TRIM6: variants seen among roughly 807,000 people sequenced by gnomAD.
The protein encoded by TRIM6 is tripartite motif containing 6.
TRIM6 carries 43 observed loss-of-function variants against 51.2 expected under a neutral mutation model. That is an observed-to-expected ratio of 0.84 (90% CI 0.66 to 1.08). The LOEUF is 1.08. Among genes scored for constraint, TRIM6 ranks in the 50% least tolerant of loss-of-function variants. TRIM6 has a pLI of 0.00. For synonymous variants in TRIM6, 215 were observed against 232.4 expected (o/e 0.93, Z 0.68); for missense variants, 669 against 619.0 (o/e 1.08, Z -0.86).
At position 5,596,845 on chromosome 11, in the gene TRIM6, T is replaced by C; in HGVS notation, c.-53T>C. ...GTGCCTTGGATTGCTCTGAAGAGCT[T>C]TGACCACCTGATATTGCTTACATCT... On this transcript the variant is annotated 5_prime_UTR_variant, in exon 1 of 8. Coordinates refer to ENST00000380097, the MANE Select transcript of TRIM6 (RefSeq NM_001003818.3). 2 of 1,613,706 alleles carry C rather than the reference T, an allele frequency of 1.2e-6. No homozygotes were observed. The highest frequency in any genetic ancestry group is 1.7e-6 in the Non-Finnish European group (2 of 1,179,838).
At chr11:5,610,323 C>T (rs1464554794) in intron 6 of TRIM6, 78 bp downstream of exon 6, 111 of 1,599,908 alleles carry the variant, frequency 6.9e-5, no homozygotes, top group Non-Finnish European at 8.5e-5. Context: ...AGGCTATAGT[C>T]GGTATTTGAG....
chr11:5,604,665 G>A, intron 3 of TRIM6, 36 bp downstream of exon 3: 2 of 1,600,302 alleles, frequency 1.2e-6, no homozygotes, highest in Non-Finnish European at 1.7e-6. Context: ...TCCTGGGGCA[G>A]GAATCATGGC....
chr11:5,612,573 C>T lies in TRIM6; in HGVS notation c.*1231C>T, dbSNP rs930501449. The T allele has an allele frequency of 2.0e-5, 3 of 152,106 alleles. No individual in the cohort carries two copies. The highest frequency in any genetic ancestry group is 7.2e-5 in the African/African-American group (3 of 41,408). The allele number at this position is 152,106 out of a possible 1,614,324, so 9.4% of individuals were successfully genotyped here. A position where few individuals can be genotyped will look rare whatever the true frequency, so the allele number is the denominator to read the frequency against. ...CTTAAAGGAAGAGGATGATTTCTTC[C>T]AGCTTTTCCACACTCTCTTTATGCG... is the stretch of plus-strand genomic sequence containing the variant. On this transcript the variant is annotated 3_prime_UTR_variant, in exon 8 of 8. Coordinates refer to ENST00000380097, the MANE Select transcript of TRIM6 (RefSeq NM_001003818.3).
At chr11:5,600,300 G>A (rs1847758938) in intron 1 of TRIM6, among the ~76,000 whole-genome samples, 1 of 152,164 alleles carries the variant, frequency 6.6e-6, no homozygotes. Context: ...ATGTTGTTAT[G>A]TGGAATTATT....
rs527518342 is a variant in TRIM6 at position 5,611,916 on chromosome 11, C to G, written c.*574C>G. ...GTTTTTTTTGATTGATGCAGGGGAT[C>G]AAATTTAGGAAGTTCTGATCTGTTA... On this transcript the variant is annotated 3_prime_UTR_variant, in exon 8 of 8. Transcript: ENST00000380097. 1 of 152,174 alleles carries G rather than the reference C, an allele frequency of 6.6e-6. No individual in the cohort carries two copies. Among genetic ancestry groups the G allele is most frequent in the Non-Finnish European group, 1.5e-5 (1 of 68,036 alleles). The allele number at this position is 152,174 out of a possible 1,614,324, so 9.4% of individuals were successfully genotyped here.
intron 1 of TRIM6, among the ~76,000 whole-genome samples, chr11:5,598,082 G>A (rs1163564800): frequency 6.6e-6 from 1 of 152,158 alleles, no homozygotes; most frequent in Admixed American, 6.5e-5. Flanking sequence ...TCTTTCTTCT[G>A]CTAATTTGAT....
At chr11:5,609,073 T>A (rs1258642905) in intron 5 of TRIM6, among the ~76,000 whole-genome samples, 1 of 152,016 alleles carries the variant, frequency 6.6e-6, no homozygotes, top group Non-Finnish European at 1.5e-5. Flanking sequence ...TTGTCTCAAT[T>A]CCAGTAAAAA....
At chr11:5,610,424 T>G (rs1298429412) in intron 6 of TRIM6, 111 bp from the exon 7 acceptor site, 21 of 1,597,490 alleles carry the variant, frequency 1.3e-5, no homozygotes, top group Non-Finnish European at 1.7e-5. Context: ...AATGGCCAGG[T>G]GACATCCTCA....
intron 1 of TRIM6, among the ~76,000 whole-genome samples, chr11:5,599,259 C>T (rs1847670769): frequency 6.6e-6 from 1 of 152,018 alleles, no homozygotes; most frequent in Admixed American, 6.5e-5. Flanking sequence ...GGCAGTAGTT[C>T]TCCTTCAAGA....
chr11:5,597,386 T>C (rs1304328074), intron 1 of TRIM6, among the ~76,000 whole-genome samples: 1 of 152,232 alleles, frequency 6.6e-6, no homozygotes. Flanking sequence ...ATTTTTAAAT[T>C]ATAGGTTTCT....
intron 3 of TRIM6, 116 bp from the exon 4 acceptor site, chr11:5,605,220 CT>C: frequency 2.2e-6 from 3 of 1,372,832 alleles, no homozygotes; most frequent in Non-Finnish European, 3.1e-6. Context: ...TTTACCCTCC[CT>C]CTCCCTGGGA....
intron 5 of TRIM6, among the ~76,000 whole-genome samples, chr11:5,609,192 C>T (rs1848414461): frequency 6.6e-6 from 1 of 152,274 alleles, no homozygotes; most frequent in Middle Eastern, 3.4e-3. Context: ...GCTGCTTGCA[C>T]ACTTGGTTCC....
chr11:5,609,793 C>G (rs570504954), intron 5 of TRIM6, among the ~76,000 whole-genome samples: 24 of 152,174 alleles, frequency 1.6e-4, no homozygotes, highest in South Asian at 4.2e-4. Context: ...CGTGGTGGCA[C>G]GCGCCTGTAG....
At position 5,606,955 on chromosome 11, in the gene TRIM6, G is replaced by C. The variant is rs553311132; in HGVS notation, c.834+1388G>C. ...GCGGTGGCTCACGCCTGTAATCCCA[G>C]CACTTTGGGAGGCCGAGGCAGGCGG... On this transcript the variant is annotated intron_variant, in intron 4 of 7. Coordinates refer to ENST00000380097, the MANE Select transcript of TRIM6 (RefSeq NM_001003818.3). Among the ~76,000 whole-genome samples, 24 of 152,328 alleles carry C rather than the reference G, an allele frequency of 1.6e-4. No homozygotes were observed. The South Asian group carries it at 4.8e-3, about 30-fold the overall frequency.
At chr11:5,597,547 AAT>A (rs1318416250) in intron 1 of TRIM6, among the ~76,000 whole-genome samples, 1 of 152,178 alleles carries the variant, frequency 6.6e-6, no homozygotes, top group East Asian at 1.9e-4. Context: ...GATAAAAAAA[AAT>A]GTTATTCCTA....
intron 3 of TRIM6, 186 bp from the exon 4 acceptor site, chr11:5,605,151 G>A (rs1848128766): frequency 2.6e-6 from 2 of 761,074 alleles, no homozygotes; most frequent in African/African-American, 1.7e-5. Context: ...AATGGTCTGG[G>A]CAGAGCTGAA....
chr11:5,612,479 A>G lies in TRIM6; in HGVS notation c.*1137A>G, dbSNP rs977445678. The G allele has an allele frequency of 2.6e-5, 4 of 152,250 alleles. No individual in the cohort carries two copies. The highest frequency in any genetic ancestry group is 2.9e-5 in the Non-Finnish European group (2 of 68,046). The allele number at this position is 152,250 out of a possible 1,614,324, so 9.4% of individuals were successfully genotyped here. On this transcript the variant is annotated 3_prime_UTR_variant, in exon 8 of 8. Transcript: ENST00000380097. ...AAAAGAGTAGTGGGGAGAGAAAAAC[A>G]ATCCAATACATATTTTTCTCTCAGA...
Position 5,608,381 on chromosome 11 carries a change from G to A in TRIM6, c.844G>A (p.Asp282Asn). The change falls in exon 5 of 8, where the codon GAT (aspartate) becomes AAT (asparagine). Residue 282 changes from aspartate to asparagine, a missense_variant. Coordinates refer to ENST00000380097, the MANE Select transcript of TRIM6 (RefSeq NM_001003818.3). ...STMELLQDVS[D>N]VTERSEFWTL... ...TCTTTTTCCTTCCTAGGATGTGAGT[G>A]ATGTCACAGAAAGGTATGTGTAAGG... 6.2e-7 allele frequency: 1 copy of A among 1,613,704 alleles called. No individual in the cohort carries two copies. Among genetic ancestry groups the A allele is most frequent in the Non-Finnish European group, 8.5e-7 (1 of 1,179,830 alleles).
At position 5,596,838 on chromosome 11, in the gene TRIM6, A is replaced by G. The variant is rs1564859320; in HGVS notation, c.-60A>G. 5.6e-6 allele frequency: 9 copies of G among 1,613,476 alleles called. No individual in the cohort carries two copies. In the East Asian group the frequency reaches 1.3e-4, roughly 24 times the overall value. On this transcript the variant is annotated 5_prime_UTR_variant, in exon 1 of 8. Transcript: ENST00000380097. ...GTTTAAGGTGCCTTGGATTGCTCTG[A>G]AGAGCTTTGACCACCTGATATTGCT...
Sources: gnomAD v4.1 joint callset for allele counts (sites outside exome capture counted in the v4.1 genomes callset) on GRCh38, gnomAD v4.1.1 for gene constraint, MANE v1.5 for transcripts, NCBI Gene and HGNC (gene_info 2026-07-23, HGNC 2026-07-21) for gene names.